ZNF521: variants seen among roughly 807,000 people sequenced by gnomAD.
ZNF521 encodes the protein LYST-interacting protein 3.
ZNF521 carries 14 observed loss-of-function variants against 105.5 expected under a neutral mutation model. The observed-to-expected ratio is 0.13, with a 90% CI of 0.09 to 0.21. ZNF521 has a LOEUF of 0.21. ZNF521 is among the 10% of genes least tolerant of loss of function. The pLI is 1.00. For synonymous variants in ZNF521, 635 were observed against 606.0 expected (o/e 1.05, Z -0.70); for missense variants, 1,233 against 1,629.7 (o/e 0.76, Z 4.19).
At chr18:25,209,374 G>A (rs2036138169) in intron 4 of ZNF521, among the ~76,000 whole-genome samples, 1 of 152,052 alleles carries the variant, frequency 6.6e-6, no homozygotes, top group Non-Finnish European at 1.5e-5. Context: ...GCCTCCCAAT[G>A]TGCTAGGATT....
At chr18:25,305,115 A>G (rs1274487256) in intron 3 of ZNF521, among the ~76,000 whole-genome samples, 1 of 152,208 alleles carries the variant, frequency 6.6e-6, no homozygotes, top group East Asian at 1.9e-4. Flanking sequence ...CTAGAAAGCA[A>G]AAGTACAAAT....
chr18:25,139,210 A>G (rs1600083120), intron 5 of ZNF521, among the ~76,000 whole-genome samples: 1 of 151,818 alleles, frequency 6.6e-6, no homozygotes. Context: ...CTCTACTAAA[A>G]ATAAAAAAAA....
intron 3 of ZNF521, among the ~76,000 whole-genome samples, chr18:25,287,640 T>C (rs1225016386): frequency 6.6e-6 from 1 of 151,626 alleles, no homozygotes; most frequent in African/African-American, 2.4e-5. Context: ...GGTCAGCAAC[T>C]ATTCCTTATT....
intron 3 of ZNF521, among the ~76,000 whole-genome samples, chr18:25,318,847 C>T (rs1432005806): frequency 1.3e-5 from 2 of 151,748 alleles, no homozygotes; most frequent in Non-Finnish European, 2.9e-5. Flanking sequence ...CTTCTGTCTA[C>T]TGAAGTCCAT....
intron 3 of ZNF521, among the ~76,000 whole-genome samples, chr18:25,304,167 G>C: frequency 6.6e-6 from 1 of 152,170 alleles, no homozygotes; most frequent in East Asian, 1.9e-4. Context: ...AATTACACCT[G>C]AAGACACTTC....
At chr18:25,125,222 A>G (rs1341272673) in intron 5 of ZNF521, among the ~76,000 whole-genome samples, 1 of 152,118 alleles carries the variant, frequency 6.6e-6, no homozygotes, top group Non-Finnish European at 1.5e-5. Context: ...ATCTAGCCAC[A>G]TGGGAATATG....
chr18:25,168,337 T>C (rs2035385307), intron 5 of ZNF521, among the ~76,000 whole-genome samples: 1 of 152,178 alleles, frequency 6.6e-6, no homozygotes, highest in Non-Finnish European at 1.5e-5. Context: ...CTTCGGAAAC[T>C]GTTGGCTCCA....
At chr18:25,167,651 C>T (rs192629110) in intron 5 of ZNF521, among the ~76,000 whole-genome samples, 104 of 152,272 alleles carry the variant, frequency 6.8e-4, no homozygotes, top group African/African-American at 2.4e-3. Flanking sequence ...CATGCCAACA[C>T]TGTTGCATGA....
At chr18:25,350,116 C>T (rs1914662128) in intron 2 of ZNF521, among the ~76,000 whole-genome samples, 1 of 152,206 alleles carries the variant, frequency 6.6e-6, no homozygotes, top group East Asian at 1.9e-4. Context: ...TTCAGGGACC[C>T]CCGCCCCCGC....
intron 5 of ZNF521, among the ~76,000 whole-genome samples, chr18:25,095,263 A>G (rs1038608465): frequency 6.6e-6 from 1 of 152,186 alleles, no homozygotes. Context: ...CACAAAGCAT[A>G]ACCTGAATTG....
At chr18:25,294,680 C>A (rs1244480249) in intron 3 of ZNF521, among the ~76,000 whole-genome samples, 2 of 151,774 alleles carry the variant, frequency 1.3e-5, no homozygotes, top group African/African-American at 4.8e-5. Context: ...CATGGTGAAA[C>A]TCCATCTCCA....
At chr18:25,275,482 G>A (rs188586241) in intron 3 of ZNF521, among the ~76,000 whole-genome samples, 97 of 152,210 alleles carry the variant, frequency 6.4e-4, no homozygotes, top group Non-Finnish European at 9.7e-4. Flanking sequence ...CCACTCATGC[G>A]GTAATAACAT....
At chr18:25,088,017 C>T (rs2033660645) in intron 7 of ZNF521, among the ~76,000 whole-genome samples, 1 of 152,054 alleles carries the variant, frequency 6.6e-6, no homozygotes, top group South Asian at 2.1e-4. Flanking sequence ...CGAAGTTGCC[C>T]CAGGACCCAA....
intron 5 of ZNF521, among the ~76,000 whole-genome samples, chr18:25,180,399 A>T (rs554476905): frequency 9.2e-5 from 14 of 152,324 alleles, no homozygotes; most frequent in Admixed American, 6.5e-4. Context: ...AGACACAGAA[A>T]TAATGTCAAA....
At chr18:25,143,440 T>C (rs1323768656) in intron 5 of ZNF521, among the ~76,000 whole-genome samples, 1 of 152,130 alleles carries the variant, frequency 6.6e-6, no homozygotes, top group Non-Finnish European at 1.5e-5. Flanking sequence ...ATAGATTTTC[T>C]TGTGTATCTT....
chr18:25,126,657 G>C (rs1160777495), intron 5 of ZNF521, among the ~76,000 whole-genome samples: 1 of 151,974 alleles, frequency 6.6e-6, no homozygotes, highest in African/African-American at 2.4e-5. Context: ...TATTTAAGTG[G>C]ATAAAAGTCT....
intron 3 of ZNF521, among the ~76,000 whole-genome samples, chr18:25,249,616 C>T (rs139411598): frequency 2.2e-4 from 33 of 152,224 alleles, no homozygotes; most frequent in Middle Eastern, 3.4e-3. Context: ...CGCATGCCAC[C>T]ATGCCCAGCT....
chr18:25,227,823 AAG>A lies in ZNF521; in HGVS notation c.221-128_221-127del. Reference sequence around the variant, plus strand: ...ATCTTTCAAGAAAAAACAAAATGAAAAGAGAGAATATTTGAGTGAGACATTTT... The same window carrying A: ...ATCTTTCAAGAAAAAACAAAATGAAAAGAGAATATTTGAGTGAGACATTTT... On this transcript the variant is annotated intron_variant, in intron 3 of 7. Transcript: ENST00000361524. This position sits in a 1 kb window ranked among gnomAD's most constrained non-coding sequence, Gnocchi z 5.7. 1 of 763,348 alleles carries A rather than the reference AAG, an allele frequency of 1.3e-6. No individual in the cohort carries two copies. The highest frequency in any genetic ancestry group is 2.1e-6 in the Non-Finnish European group (1 of 487,078). 47.3% of individuals were successfully genotyped at this position (763,348 alleles called of 1,614,324 possible). A position where few individuals can be genotyped will look rare whatever the true frequency, so the allele number is the denominator to read the frequency against.
intron 5 of ZNF521, among the ~76,000 whole-genome samples, chr18:25,156,069 C>A (rs986217701): frequency 6.6e-6 from 1 of 152,140 alleles, no homozygotes; most frequent in African/African-American, 2.4e-5. Flanking sequence ...GTACTGTACT[C>A]AGAATTTTTG....
Sources: allele counts gnomAD v4.1 joint callset (sites outside exome capture counted in the v4.1 genomes callset), GRCh38; gene constraint gnomAD v4.1.1; non-coding constraint Gnocchi (gnomAD v3.1); transcripts MANE v1.5; gene names NCBI Gene and HGNC (gene_info 2026-07-23, HGNC 2026-07-21).